The following FGF13 variants were observed in gnomAD, a reference collection of about 807,000 sequenced individuals.
FGF13 encodes fibroblast growth factor homologous factor 2.
A neutral mutation model predicts 19.5 loss-of-function variants in FGF13; 2 were observed. The observed-to-expected ratio is 0.10, with a 90% CI of 0.04 to 0.32. FGF13 has a LOEUF of 0.32. FGF13 is among the 10% of genes least tolerant of loss of function. FGF13 has a pLI of 1.00. For missense variants in FGF13, 113 were observed against 192.7 expected (o/e 0.59, Z 2.45); for synonymous variants, 72 against 76.9 (o/e 0.94, Z 0.33).
At chrX:139,144,166 C>T (rs772392469) in intron 1 of FGF13, among the ~76,000 whole-genome samples, 12 of 111,746 alleles carry the variant, frequency 1.1e-4, no homozygotes, top group Admixed American at 1.9e-4. Flanking sequence ...GTAACCCTCA[C>T]CACAGTCTCA....
chrX:138,773,061 AATAAT>A (rs1240670429), intron 3 of FGF13, among the ~76,000 whole-genome samples: 2 of 110,421 alleles, frequency 1.8e-5, no homozygotes, highest in East Asian at 2.8e-4. Flanking sequence ...AAAATATATA[AATAAT>A]ATATTTAAAA....
At chrX:138,998,561 G>A (rs1044191344) in intron 1 of FGF13, among the ~76,000 whole-genome samples, 3 of 109,443 alleles carry the variant, frequency 2.7e-5, no homozygotes, top group Non-Finnish European at 5.7e-5. Flanking sequence ...CAGACTTTAA[G>A]CCAACAAAGG....
chrX:138,707,916 G>C (rs1307596140), intron 2 of FGF13, among the ~76,000 whole-genome samples: 1 of 112,151 alleles, frequency 8.9e-6, no homozygotes, highest in African/African-American at 3.2e-5. Context: ...TTCAGACCTA[G>C]TTTCCTTGGT....
intron 1 of FGF13, among the ~76,000 whole-genome samples, chrX:139,043,965 G>A (rs1023506242): frequency 9.0e-6 from 1 of 111,532 alleles, no homozygotes; most frequent in Non-Finnish European, 1.9e-5. Flanking sequence ...AGGATCTTAG[G>A]GGAAGGAAAG....
upstream of FGF13, among the ~76,000 whole-genome samples, chrX:138,715,217 C>T (rs927026828): frequency 8.9e-6 from 1 of 111,976 alleles, no homozygotes; most frequent in Non-Finnish European, 1.9e-5. Context: ...ACTCAACTCC[C>T]AAAGAGTTCT....
intron 1 of FGF13, among the ~76,000 whole-genome samples, chrX:138,888,460 G>C (rs62602194): frequency 1.7e-3 from 188 of 110,543 alleles, no homozygotes; most frequent in Non-Finnish European, 3.0e-3. Flanking sequence ...ATGGAACCTG[G>C]CTTAGTGCTC....
Position 138,984,589 on chromosome X carries a change from A to AGAAGAAGAAGAAGAAGAG in FGF13, c.-112-119940_-112-119939insCTCTTCTTCTTCTTCTTC, listed in dbSNP as rs1569436186. ...AAGAAGAAGAAGAAGAAGAAGAAGA[A>AGAAGAAGAAGAAGAAGAG]GGAGGAGGAGGAGGAGGAGGAGGAG... On this transcript the variant is annotated intron_variant, in intron 1 of 2. Transcript: ENST00000421460. 2.9e-4 allele frequency among the ~76,000 whole-genome samples: 5 copies of AGAAGAAGAAGAAGAAGAG among 17,031 alleles called. 1 individual carries two copies. The highest frequency in any genetic ancestry group is 1.0e-3 in the African/African-American group (5 of 4,994). 14.8% of individuals were successfully genotyped at this position (17,031 alleles called of 115,157 possible). A position where few individuals can be genotyped will look rare whatever the true frequency, so the allele number is the denominator to read the frequency against.
chrX:138,923,538 C>T (rs1327156558), intron 1 of FGF13, among the ~76,000 whole-genome samples: 1 of 112,057 alleles, frequency 8.9e-6, no homozygotes, highest in Admixed American at 9.5e-5. Context: ...GCCAGGCAAG[C>T]CACCCTGCAT....
intron 1 of FGF13, among the ~76,000 whole-genome samples, chrX:139,067,234 G>GCCCT (rs773811735): frequency 8.1e-5 from 9 of 111,646 alleles, no homozygotes; most frequent in Non-Finnish European, 1.3e-4. Context: ...AGACAAGGAT[G>GCCCT]CCCTCTCTCA....
intron 1 of FGF13, among the ~76,000 whole-genome samples, chrX:138,871,372 G>C (rs1188498703): frequency 1.8e-5 from 2 of 111,619 alleles, no homozygotes; most frequent in Non-Finnish European, 3.8e-5. Flanking sequence ...TAGAAGATGG[G>C]GGGGGAACAG....
At chrX:138,978,946 T>C (rs1333391812) in intron 1 of FGF13, among the ~76,000 whole-genome samples, 1 of 112,157 alleles carries the variant, frequency 8.9e-6, no homozygotes, top group African/African-American at 3.2e-5. Flanking sequence ...ATGATAAGCA[T>C]CAAGAGATTT....
intron 3 of FGF13, among the ~76,000 whole-genome samples, chrX:138,641,838 T>G (rs1406369195): frequency 1.8e-5 from 2 of 112,003 alleles, no homozygotes; most frequent in African/African-American, 6.5e-5. Flanking sequence ...TAATTCACGA[T>G]AAACAGAATA....
intron 3 of FGF13, chrX:138,806,547 A>G (rs2090869325): frequency 8.9e-6 from 1 of 112,737 alleles, no homozygotes; most frequent in African/African-American, 3.2e-5. Context: ...ATGACACAGA[A>G]GAGTATTTAA....
chrX:138,760,651 T>G (rs955466606), intron 3 of FGF13, among the ~76,000 whole-genome samples: 1 of 112,252 alleles, frequency 8.9e-6, no homozygotes, highest in African/African-American at 3.2e-5. Flanking sequence ...CAAAACCCTG[T>G]GAAGCTCAGC....
chrX:138,967,140 C>A (rs1477171852), intron 1 of FGF13, among the ~76,000 whole-genome samples: 1 of 108,542 alleles, frequency 9.2e-6, no homozygotes, highest in Non-Finnish European at 1.9e-5. Flanking sequence ...AAATTGCTCC[C>A]TGCCCCCCAA....
chrX:138,822,432 T>C lies in FGF13; in HGVS notation c.217+35080A>G, dbSNP rs905952589. 1.5e-4 allele frequency among the ~76,000 whole-genome samples: 17 copies of C among 111,139 alleles called. No individual in the cohort carries two copies. The Admixed American group carries it at 1.5e-3, about 10-fold the overall frequency. On this transcript the variant is annotated intron_variant, in intron 3 of 6. Coordinates refer to the FGF13 transcript ENST00000436198. ...ATATGGGCAGTGTCCTTGCAGAAAA[T>C]AGATAGCACACTCAAGGGAATAACT...
chrX:138,823,186 T>C (rs752514295), intron 3 of FGF13, among the ~76,000 whole-genome samples: 72 of 110,901 alleles, frequency 6.5e-4, no homozygotes, highest in Non-Finnish European at 1.1e-3. Context: ...AGGGTTGAGA[T>C]ACAGTTGTAA....
chrX:138,668,106 G>A (rs2089572091), intron 3 of FGF13, among the ~76,000 whole-genome samples: 1 of 111,419 alleles, frequency 9.0e-6, no homozygotes, highest in Non-Finnish European at 1.9e-5. Flanking sequence ...GGACTGTAAC[G>A]GCAAATAATA....
At chrX:138,885,691 G>A (rs929136938) in intron 1 of FGF13, among the ~76,000 whole-genome samples, 4 of 105,830 alleles carry the variant, frequency 3.8e-5, no homozygotes, top group African/African-American at 1.4e-4. Flanking sequence ...CTCCATGAGG[G>A]CTTCTCTAAC....
Sources: gnomAD v4.1 joint callset for allele counts (sites outside exome capture counted in the v4.1 genomes callset) on GRCh38, gnomAD v4.1.1 for gene constraint, MANE v1.5 for transcripts, NCBI Gene and HGNC (gene_info 2026-07-23, HGNC 2026-07-21) for gene names.